MYT1L: variants seen among roughly 807,000 people sequenced by gnomAD.
The protein encoded by MYT1L is myelin transcription factor 1-like protein.
MYT1L carries 12 observed loss-of-function variants against 126.7 expected under a neutral mutation model. The observed-to-expected ratio is 0.09, with a 90% CI of 0.06 to 0.15. The LOEUF (loss-of-function observed/expected upper bound fraction) is 0.15. Among genes scored for constraint, MYT1L ranks in the 10% least tolerant of loss-of-function variants. The pLI, the probability that MYT1L is intolerant of heterozygous loss-of-function variation, is 1.00. For missense variants in MYT1L, 979 were observed against 1,585.2 expected, an observed-to-expected ratio of 0.62 and a Z score of 6.49; for synonymous variants, 541 against 604.2, an observed-to-expected ratio of 0.90 and a Z score of 1.53.
intron 2 of MYT1L, among the ~76,000 whole-genome samples, chr2:2,211,578 C>A (rs371851140): frequency 2.6e-5 from 4 of 151,958 alleles, no homozygotes; most frequent in Non-Finnish European, 5.9e-5. Context: ...GAGGCCGAGG[C>A]GGGCAGATCA....
chr2:2,106,883 G>A (rs1326393686), intron 3 of MYT1L, among the ~76,000 whole-genome samples: 2 of 152,220 alleles, frequency 1.3e-5, no homozygotes, highest in Non-Finnish European at 2.9e-5. Flanking sequence ...GTCCAGGGCT[G>A]TCTACTAATG....
intron 3 of MYT1L, among the ~76,000 whole-genome samples, chr2:2,109,178 A>AT (rs1425306456): frequency 3.9e-5 from 6 of 152,116 alleles, no homozygotes; most frequent in Non-Finnish European, 7.4e-5. Context: ...GAATATAAAG[A>AT]TTTTTCCTCA....
At chr2:2,011,359 C>A (rs571971675) in intron 4 of MYT1L, among the ~76,000 whole-genome samples, 5 of 151,044 alleles carry the variant, frequency 3.3e-5, no homozygotes, top group African/African-American at 1.2e-4. Flanking sequence ...GCCGAGATTG[C>A]GCCACTGCAC....
chr2:2,331,257 T>C lies in MYT1L; in HGVS notation c.-811A>G, dbSNP rs985686147. On this transcript the variant is annotated 5_prime_UTR_variant, in exon 1 of 25. Transcript: ENST00000647738. ...TGCAGGGAAAAGCTCTCTCACTGTT[T>C]AGTGTGCAGTAGCTTAGGGAAAAAA... The C allele has an allele frequency of 1.3e-5, 2 of 152,034 alleles. No individual in the cohort carries two copies. The highest frequency in any genetic ancestry group is 2.9e-5 in the Non-Finnish European group (2 of 68,032). 9.4% of individuals were successfully genotyped at this position (152,034 alleles called of 1,614,324 possible).
chr2:2,122,872 T>TGTGTGTGAGAGAGAGA (rs553951630), intron 3 of MYT1L, among the ~76,000 whole-genome samples: 5 of 132,992 alleles, frequency 3.8e-5, no homozygotes, highest in African/African-American at 1.5e-4. Context: ...TGTGTGTGTG[T>TGTGTGTGAGAGAGAGA]GAGAGAGAGA....
At chr2:2,121,488 C>T (rs1285391161) in intron 3 of MYT1L, among the ~76,000 whole-genome samples, 2 of 149,208 alleles carry the variant, frequency 1.3e-5, no homozygotes, top group African/African-American at 2.5e-5. Context: ...TTCTTTGTTG[C>T]TTTTTGTTTT....
chr2:1,937,587 T>C lies in MYT1L; in HGVS notation c.505+5395A>G, dbSNP rs370577857. Among the ~76,000 whole-genome samples the C allele has an allele frequency of 3.3e-5, 5 of 149,780 alleles. No homozygotes were observed. In the South Asian group the frequency reaches 8.4e-4, roughly 25 times the overall value. ...GGCCCTAATGTCCACAGCCATCAGATCGCAAGTCGAGAAGGCCCTAATGTC... is the reference window on the plus strand; with the variant it reads ...GGCCCTAATGTCCACAGCCATCAGACCGCAAGTCGAGAAGGCCCTAATGTC... On this transcript the variant is annotated intron_variant, in intron 9 of 24. Coordinates refer to ENST00000647738, the MANE Select transcript of MYT1L (RefSeq NM_001303052.2).
intron 3 of MYT1L, among the ~76,000 whole-genome samples, chr2:2,072,814 C>T (rs2150245520): frequency 6.6e-6 from 1 of 152,338 alleles, no homozygotes; most frequent in South Asian, 2.1e-4. Flanking sequence ...GAAGAAGCTG[C>T]TTGCTGCCCC....
chr2:2,181,161 TG>T (rs1384482485), intron 2 of MYT1L, among the ~76,000 whole-genome samples: 1 of 151,506 alleles, frequency 6.6e-6, no homozygotes, highest in Non-Finnish European at 1.5e-5. Flanking sequence ...AGTATGTACC[TG>T]TGTGTGCACA....
intron 18 of MYT1L, among the ~76,000 whole-genome samples, chr2:1,877,275 A>C (rs939004005): frequency 5.3e-5 from 8 of 152,238 alleles, no homozygotes; most frequent in African/African-American, 1.9e-4. Context: ...CCGAAATATG[A>C]TGCAGCGATT....
At chr2:1,883,942 T>C (rs1271762668) in intron 18 of MYT1L, 3 of 152,198 alleles carry the variant, frequency 2.0e-5, no homozygotes, top group African/African-American at 7.2e-5. Context: ...AATTAGACAA[T>C]GAAGTGATGG....
rs779776687 is a variant in MYT1L at position 1,979,153 on chromosome 2, T to C, written c.152+12A>G. 16 of 1,606,908 alleles carry C rather than the reference T, an allele frequency of 1.0e-5. No individual in the cohort carries two copies. Among genetic ancestry groups the C allele is most frequent in the Non-Finnish European group, 1.4e-5 (16 of 1,175,884 alleles). On this transcript the variant is annotated intron_variant, in intron 8 of 24. Coordinates refer to ENST00000647738, the MANE Select transcript of MYT1L (RefSeq NM_001303052.2). This position sits in a 1 kb window ranked among gnomAD's most constrained non-coding sequence, Gnocchi z 4.0. ...AGACAGCACATTGTGGAAAAAAAAA[T>C]GCAGGCATTACCTTCTGTGTCTTGC...
intron 11 of MYT1L, among the ~76,000 whole-genome samples, chr2:1,913,448 C>A (rs1009782131): frequency 3.3e-5 from 5 of 152,066 alleles, no homozygotes; most frequent in Non-Finnish European, 7.4e-5. Context: ...AGTTCCCTGC[C>A]CCCTTCCTCC....
In MYT1L at chr2:2,093,787, T is replaced by C. The variant is rs566313345; in HGVS notation, c.-303-39664A>G. Among the ~76,000 whole-genome samples, 316 of 152,350 alleles carry C rather than the reference T, an allele frequency of 2.1e-3. 1 individual carries two copies. The highest frequency in any genetic ancestry group is 2.1e-3 in the Non-Finnish European group (143 of 68,036). On this transcript the variant is annotated intron_variant, in intron 3 of 24. Transcript: ENST00000647738. ...GCCCATGCCTATGTCCTGAATGGTA[T>C]TGCCTAGGTTTTCATCTAGGGTTTT...
At chr2:2,091,916 G>C (rs576723795) in intron 3 of MYT1L, among the ~76,000 whole-genome samples, 1 of 152,346 alleles carries the variant, frequency 6.6e-6, no homozygotes, top group South Asian at 2.1e-4. Flanking sequence ...GAATTAAGGA[G>C]AGTTAGGGCC....
chr2:1,914,026 C>T (rs1310308048), intron 11 of MYT1L, among the ~76,000 whole-genome samples: 5 of 152,160 alleles, frequency 3.3e-5, no homozygotes, highest in South Asian at 2.1e-4. Flanking sequence ...GAGGCTGAGG[C>T]GGGCGGATCA....
intron 3 of MYT1L, among the ~76,000 whole-genome samples, chr2:2,066,505 G>GA (rs1248926449): frequency 5.9e-5 from 9 of 152,274 alleles, no homozygotes; most frequent in African/African-American, 1.9e-4. Flanking sequence ...CATTTGTTGT[G>GA]AATTTAAATA....
intron 18 of MYT1L, among the ~76,000 whole-genome samples, chr2:1,883,089 G>A (rs1262130834): frequency 6.6e-6 from 1 of 152,188 alleles, no homozygotes. Context: ...TCCAGGCTGA[G>A]ACATCAGGAA....
intron 18 of MYT1L, among the ~76,000 whole-genome samples, chr2:1,862,714 G>A (rs545344547): frequency 2.8e-4 from 43 of 152,300 alleles, no homozygotes; most frequent in African/African-American, 1.0e-3. Flanking sequence ...TACAAAGAGG[G>A]CCAAAGAGGG....
Sources: gnomAD v4.1 joint callset for allele counts (sites outside exome capture counted in the v4.1 genomes callset) on GRCh38, gnomAD v4.1.1 for gene constraint, Gnocchi (gnomAD v3.1) non-coding constraint, MANE v1.5 for transcripts, NCBI Gene and HGNC (gene_info 2026-07-23, HGNC 2026-07-21) for gene names.